Variants in PPEF2 observed in about 807,000 individuals in gnomAD.
PPEF2 encodes the protein serine/threonine-protein phosphatase with EF-hands 2.
In PPEF2, 84 loss-of-function variants were observed where a neutral mutation model predicts 84.7. The observed-to-expected ratio is 0.99, with a 90% confidence interval of 0.83 to 1.19. The LOEUF is 1.19. Among genes scored for constraint, PPEF2 ranks in the 50% most tolerant of loss-of-function variants. PPEF2 has a pLI of 0.00. For synonymous variants in PPEF2, 346 were observed against 345.2 expected (o/e 1.00, Z -0.03); for missense variants, 924 against 937.5 (o/e 0.99, Z 0.19).
Position 75,860,560 on chromosome 4 carries a change from A to T in PPEF2, c.*107T>A. The T allele has an allele frequency of 7.2e-7, 1 of 1,388,562 alleles. No individual in the cohort carries two copies. Among genetic ancestry groups the T allele is most frequent in the Non-Finnish European group, 9.9e-7 (1 of 1,010,572 alleles). The allele number at this position is 1,388,562 out of a possible 1,614,324, so 86.0% of individuals were successfully genotyped here. A position where few individuals can be genotyped will look rare whatever the true frequency, so the allele number is the denominator to read the frequency against. On this transcript the variant is annotated 3_prime_UTR_variant, in exon 17 of 17. Transcript: ENST00000286719. ...ACAGGTGATTCTGATGCATATGGAT[A>T]GGTAAATTTTCAGCATAAAGTTTCA... is the stretch of plus-strand genomic sequence containing the variant.
intron 2 of PPEF2, among the ~76,000 whole-genome samples, chr4:75,892,235 A>G (rs936052030): frequency 2.6e-5 from 4 of 152,190 alleles, no homozygotes; most frequent in African/African-American, 9.7e-5. Flanking sequence ...TAGAATTCCC[A>G]TGTATTGATG....
chr4:75,878,271 G>C (rs1337436902), intron 10 of PPEF2, among the ~76,000 whole-genome samples: 1 of 152,204 alleles, frequency 6.6e-6, no homozygotes, highest in Non-Finnish European at 1.5e-5. Flanking sequence ...TAAGTGGCAC[G>C]AATTCTGATC....
intron 15 of PPEF2, among the ~76,000 whole-genome samples, chr4:75,865,579 T>A (rs545856253): frequency 3.3e-5 from 5 of 151,952 alleles, no homozygotes; most frequent in Admixed American, 6.6e-5. Context: ...AGAGACGGGG[T>A]TTCATCGTGT....
intron 2 of PPEF2, 55 bp downstream of exon 2, chr4:75,896,216 T>C: frequency 6.4e-7 from 1 of 1,573,888 alleles, no homozygotes; most frequent in Non-Finnish European, 8.7e-7. Context: ...ACCCTCTCCA[T>C]GCAATATGGG....
chr4:75,902,295 C>T lies in PPEF2; in HGVS notation c.-124G>A, dbSNP rs1201784817. On this transcript the variant is annotated 5_prime_UTR_variant, in exon 1 of 17. Transcript: ENST00000286719. ...GGCAGAAATCTCTTTAACATGCAGGCGTGATCCCCATCCTGTCTTCAGAGT... is the reference window on the plus strand; with the variant it reads ...GGCAGAAATCTCTTTAACATGCAGGTGTGATCCCCATCCTGTCTTCAGAGT... 1 of 152,236 alleles carries T rather than the reference C, an allele frequency of 6.6e-6. No individual in the cohort carries two copies. The highest frequency in any genetic ancestry group is 1.5e-5 in the Non-Finnish European group (1 of 68,062). The allele number at this position is 152,236 out of a possible 1,614,324, so 9.4% of individuals were successfully genotyped here.
In PPEF2 at chr4:75,873,275, T is replaced by C. The variant is rs1473006924; in HGVS notation, c.1358A>G (p.Glu453Gly). 3.7e-6 allele frequency: 6 copies of C among 1,613,916 alleles called. No individual in the cohort carries two copies. In the African/African-American group the frequency reaches 4.0e-5, roughly 11 times the overall value. Residue 453 changes from glutamate to glycine, a missense_variant, in exon 12 of 17, where the codon GAG becomes GGG. By Grantham distance (98) the Glu-to-Gly change is moderately conservative (BLOSUM62 -2). Coordinates refer to ENST00000286719, the MANE Select transcript of PPEF2 (RefSeq NM_006239.3). ...DILWSDPMAQ[E>G]GCKANTIRGG... ...TCGAATAGTGTTGGCCTTGCAGCCC[T>C]CTTGAGCCATGGGATCACTCCACAG...
chr4:75,882,381 C>G (rs1321720295), intron 10 of PPEF2, among the ~76,000 whole-genome samples: 2 of 152,088 alleles, frequency 1.3e-5, no homozygotes, highest in East Asian at 3.8e-4. Context: ...AACGTAGGCT[C>G]TTTAGGTGGC....
At chr4:75,874,902 CTT>C (rs547098807) in intron 11 of PPEF2, among the ~76,000 whole-genome samples, 26 of 138,034 alleles carry the variant, frequency 1.9e-4, no homozygotes, top group Admixed American at 2.2e-4. Flanking sequence ...TTCTTTCTTT[CTT>C]TTTTTTTTTT....
At chr4:75,863,874 T>C (rs1338465398) in intron 16 of PPEF2, among the ~76,000 whole-genome samples, 2 of 151,444 alleles carry the variant, frequency 1.3e-5, no homozygotes, top group African/African-American at 4.8e-5. Flanking sequence ...CTTTCTTTCT[T>C]CTTTTTTTTT....
In PPEF2 at chr4:75,866,216, G is replaced by A. The variant is rs952625960; in HGVS notation, c.1893C>T (p.Asn631=). 9 of 1,613,592 alleles carry A rather than the reference G, an allele frequency of 5.6e-6. No individual in the cohort carries two copies. In the African/African-American group the frequency reaches 8.0e-5, roughly 14 times the overall value. The change falls in exon 15 of 17, where the codon AAC becomes AAT. Residue 631 remains asparagine, a synonymous_variant. Transcript: ENST00000286719. ...CGCGACTCAGTTGTTCCTTGGCCAA[G>A]TTCTTCAGCCAAGACTTGTACTCCA... ...NMLEYKSWLK[N]LAKEQLSREN... is the part of the protein sequence containing the mutation.
intron 1 of PPEF2, 93 bp from the exon 2 acceptor site, chr4:75,896,476 C>T (rs1725013377): frequency 2.8e-6 from 2 of 725,240 alleles, no homozygotes; most frequent in Non-Finnish European, 4.9e-6. Context: ...TGAGAGTATC[C>T]TCTCCACCTC....
chr4:75,891,732 C>A, intron 3 of PPEF2, 27 bp from the exon 4 acceptor site: 1 of 1,604,284 alleles, frequency 6.2e-7, no homozygotes, highest in Non-Finnish European at 8.5e-7. Context: ...GGAGACGTGG[C>A]TTTAGAGGTG....
intron 1 of PPEF2, among the ~76,000 whole-genome samples, chr4:75,900,325 C>T (rs1275827108): frequency 6.6e-6 from 1 of 152,114 alleles, no homozygotes; most frequent in East Asian, 1.9e-4. Flanking sequence ...AGAAATATAG[C>T]ATTGCCTAGA....
rs773534249 is a variant in PPEF2 at position 75,866,320 on chromosome 4, C to T, written c.1789G>A (p.Val597Met). 1.2e-6 allele frequency: 2 copies of T among 1,613,918 alleles called. No homozygotes were observed. Among genetic ancestry groups the T allele is most frequent in the Non-Finnish European group, 1.7e-6 (2 of 1,179,910 alleles). Reference sequence around the variant, plus strand: ...AGTCCTAGGTGCAACACAGACTCCACCGCTGCTGCCCAGTCACTCAAGGTG... The same window carrying T: ...AGTCCTAGGTGCAACACAGACTCCATCGCTGCTGCCCAGTCACTCAAGGTG... ...LITLSDWAAA[V>M]ESVLHLGLPW... is the part of the protein sequence containing the mutation. The change falls in exon 15 of 17, where the codon GTG (valine) becomes ATG (methionine). Residue 597 changes from valine (V) to methionine (M), a missense_variant. Val to Met is a conservative substitution (Grantham distance 21). Coordinates refer to ENST00000286719, the MANE Select transcript of PPEF2 (RefSeq NM_006239.3).
chr4:75,891,662 C>T lies in PPEF2; in HGVS notation c.227G>A (p.Ser76Asn). 6.2e-7 allele frequency: 1 copy of T among 1,610,086 alleles called. No homozygotes were observed. The highest frequency in any genetic ancestry group is 8.5e-7 in the Non-Finnish European group (1 of 1,178,506). Residue 76 changes from serine (S) to asparagine (N), a missense_variant, in exon 4 of 17, where the codon AGC (serine) becomes AAC (asparagine). By Grantham distance (46) the Ser-to-Asn change is conservative (BLOSUM62 1). Coordinates refer to ENST00000286719, the MANE Select transcript of PPEF2 (RefSeq NM_006239.3). ...FSYLMDHFIP[S>N]SHNDRDFLTR... ...TTCATACTCACTGTCGTTGTGGCTGCTGGGGATGAAGTGATCCATGAGATA... is the reference window on the plus strand; with the variant it reads ...TTCATACTCACTGTCGTTGTGGCTGTTGGGGATGAAGTGATCCATGAGATA...
In PPEF2 at chr4:75,876,515, G is replaced by T; in HGVS notation, c.1092C>A (p.Tyr364Ter). 6.2e-7 allele frequency: 1 copy of T among 1,614,092 alleles called. No individual in the cohort carries two copies. The highest frequency in any genetic ancestry group is 8.5e-7 in the Non-Finnish European group (1 of 1,179,976). ...LPSSPLRLGS[Y>*]KAQKTSRSSS... ...AGGACCTGCTGGTTTTCTGGGCCTT[G>T]TAGGAGCCAAGCCGAAGGGGCGAAG... The change falls in exon 11 of 17, where the codon TAC (tyrosine) becomes TAA (stop). Residue 364 changes from tyrosine (Y) to a stop codon, truncating the protein, a stop_gained. Coordinates refer to ENST00000286719, the MANE Select transcript of PPEF2 (RefSeq NM_006239.3). LOFTEE classifies it high-confidence loss of function.
intron 16 of PPEF2, among the ~76,000 whole-genome samples, chr4:75,862,522 A>G (rs1321803035): frequency 1.3e-5 from 2 of 152,038 alleles, no homozygotes; most frequent in African/African-American, 2.4e-5. Context: ...AAAGAGATAT[A>G]CAAATGGCCA....
intron 10 of PPEF2, among the ~76,000 whole-genome samples, chr4:75,876,929 G>T (rs1004793426): frequency 3.4e-5 from 5 of 146,912 alleles, no homozygotes; most frequent in African/African-American, 1.0e-4. Flanking sequence ...GATCACTTGA[G>T]CCCAGAAGGT....
chr4:75,876,256 A>T, intron 11 of PPEF2, 31 bp downstream of exon 11: 1 of 1,552,322 alleles, frequency 6.4e-7, no homozygotes, highest in Non-Finnish European at 8.7e-7. Context: ...TGGCAGCCAC[A>T]TGCTAGGAAG....
Sources: gnomAD v4.1 joint callset for allele counts (sites outside exome capture counted in the v4.1 genomes callset) on GRCh38, gnomAD v4.1.1 for gene constraint, MANE v1.5 for transcripts, NCBI Gene and HGNC (gene_info 2026-07-23, HGNC 2026-07-21) for gene names.